The following TIPARP variants were observed in gnomAD, a reference collection of about 807,000 sequenced individuals.
The protein encoded by TIPARP is protein mono-ADP-ribosyltransferase TIPARP.
A neutral mutation model predicts 56.5 loss-of-function variants in TIPARP; 12 were observed. The observed-to-expected ratio is 0.21, with a 90% CI of 0.14 to 0.34. The LOEUF (loss-of-function observed/expected upper bound fraction) is 0.34. Ranked by LOEUF, TIPARP falls within the 10% of genes least tolerant of loss-of-function variation. TIPARP has a pLI of 1.00. For missense variants in TIPARP, 604 were observed against 781.6 expected, an observed-to-expected ratio of 0.77 and a Z score of 2.71; for synonymous variants, 296 against 265.7, an observed-to-expected ratio of 1.11 and a Z score of -1.11.
chr3:156,677,585 A>G (rs1243609711), intron 1 of TIPARP, 72 bp from the exon 2 acceptor site: 6 of 1,084,512 alleles, frequency 5.5e-6, no homozygotes, highest in Middle Eastern at 4.1e-4. Flanking sequence ...CAAAAACAAA[A>G]CATTTTAATG....
intron 5 of TIPARP, 80 bp from the exon 6 acceptor site, chr3:156,704,604 A>G: frequency 1.4e-6 from 2 of 1,421,962 alleles, no homozygotes; most frequent in Non-Finnish European, 1.9e-6. Flanking sequence ...AACCATAAAG[A>G]GAAGTTTATG....
chr3:156,691,199 T>A (rs1226998242), intron 2 of TIPARP, among the ~76,000 whole-genome samples: 4 of 152,326 alleles, frequency 2.6e-5, no homozygotes, highest in Non-Finnish European at 5.9e-5. Flanking sequence ...TACAGCTCTT[T>A]ACTTACAGTG....
At chr3:156,684,926 A>G (rs1722395294) in intron 2 of TIPARP, among the ~76,000 whole-genome samples, 1 of 152,224 alleles carries the variant, frequency 6.6e-6, no homozygotes. Flanking sequence ...AATTTTTGAG[A>G]TTAATTCACT....
chr3:156,697,657 G>A (rs978209037), intron 4 of TIPARP, among the ~76,000 whole-genome samples: 12 of 152,090 alleles, frequency 7.9e-5, no homozygotes, highest in South Asian at 2.1e-4. Context: ...AACAGCATGC[G>A]CTCATTTTGT....
chr3:156,679,937 G>GT (rs557157566), intron 2 of TIPARP, among the ~76,000 whole-genome samples: 2 of 151,876 alleles, frequency 1.3e-5, no homozygotes, highest in Non-Finnish European at 2.9e-5. Flanking sequence ...TTGTTTGTTT[G>GT]TTTTTTGTTT....
At chr3:156,700,977 C>T (rs1722831302) in intron 4 of TIPARP, among the ~76,000 whole-genome samples, 1 of 152,206 alleles carries the variant, frequency 6.6e-6, no homozygotes, top group African/African-American at 2.4e-5. Context: ...CAAACTCATT[C>T]TCAGAAAATA....
chr3:156,677,599 G>A, intron 1 of TIPARP, 58 bp from the exon 2 acceptor site: 1 of 1,163,820 alleles, frequency 8.6e-7, no homozygotes, highest in South Asian at 1.7e-5. Context: ...TTTAATGAAT[G>A]AATGAAATCC....
At chr3:156,676,705 T>G (rs1196563842) in intron 1 of TIPARP, 1 of 152,236 alleles carries the variant, frequency 6.6e-6, no homozygotes. Context: ...GTAAATGTTT[T>G]CAAATTTCAG....
chr3:156,697,718 A>G (rs911165316), intron 4 of TIPARP, among the ~76,000 whole-genome samples: 1 of 152,104 alleles, frequency 6.6e-6, no homozygotes, highest in Non-Finnish European at 1.5e-5. Context: ...GTGTTTCATT[A>G]TTATTGTATC....
At chr3:156,685,420 A>T (rs969240237) in intron 2 of TIPARP, among the ~76,000 whole-genome samples, 46 of 152,238 alleles carry the variant, frequency 3.0e-4, no homozygotes, top group African/African-American at 1.0e-3. Flanking sequence ...CACCTTCTAC[A>T]GAAACCAGTG....
intron 4 of TIPARP, among the ~76,000 whole-genome samples, chr3:156,702,870 A>G (rs769152413): frequency 3.3e-5 from 5 of 152,192 alleles, no homozygotes; most frequent in Admixed American, 2.0e-4. Context: ...TTTTGTTTCT[A>G]TGTGTGATCT....
chr3:156,703,167 GC>G (rs1722894434), intron 4 of TIPARP, among the ~76,000 whole-genome samples: 1 of 152,160 alleles, frequency 6.6e-6, no homozygotes, highest in African/African-American at 2.4e-5. Context: ...TTGCTTGTTT[GC>G]CTTGTAGCTA....
chr3:156,702,650 G>A (rs183456012), intron 4 of TIPARP, among the ~76,000 whole-genome samples: 3 of 152,232 alleles, frequency 2.0e-5, no homozygotes, highest in Admixed American at 2.0e-4. Flanking sequence ...TCTCCATTTC[G>A]AAATGGCCAA....
At chr3:156,698,465 T>C (rs1413392646) in intron 4 of TIPARP, among the ~76,000 whole-genome samples, 1 of 152,192 alleles carries the variant, frequency 6.6e-6, no homozygotes, top group Admixed American at 6.5e-5. Context: ...GACTTTAAGT[T>C]GAAGCCTAGG....
chr3:156,693,967 T>A (rs1722645315), intron 2 of TIPARP, 53 bp from the exon 3 acceptor site: 2 of 1,530,918 alleles, frequency 1.3e-6, no homozygotes, highest in Admixed American at 2.2e-5. Context: ...TATTTCTGTT[T>A]TACAAATTTA....
chr3:156,700,455 A>G (rs1416512349), intron 4 of TIPARP, among the ~76,000 whole-genome samples: 1 of 152,186 alleles, frequency 6.6e-6, no homozygotes, highest in East Asian at 1.9e-4. Flanking sequence ...AATAGGTGTT[A>G]AAGAGGCCAC....
At chr3:156,675,531 A>AGGCGGG (rs1722100516) in intron 1 of TIPARP, 2 of 152,490 alleles carry the variant, frequency 1.3e-5, no homozygotes, top group Admixed American at 6.5e-5. Context: ...GCTGAGGGGA[A>AGGCGGG]GGCGGGGGCG....
chr3:156,675,611 G>C (rs1722103222), intron 1 of TIPARP: 2 of 152,254 alleles, frequency 1.3e-5, no homozygotes, highest in Admixed American at 1.3e-4. Flanking sequence ...GAGTTGGCGC[G>C]GCCCGGGACC....
At chr3:156,683,627 C>T (rs998915082) in intron 2 of TIPARP, among the ~76,000 whole-genome samples, 4 of 151,744 alleles carry the variant, frequency 2.6e-5, no homozygotes, top group African/African-American at 9.7e-5. Context: ...AAATCTATTT[C>T]CTATTATACT....
Sources: allele counts gnomAD v4.1 joint callset (sites outside exome capture counted in the v4.1 genomes callset), GRCh38; gene constraint gnomAD v4.1.1; transcripts MANE v1.5; gene names NCBI Gene and HGNC (gene_info 2026-07-23, HGNC 2026-07-21).